DAGLA: variants seen among roughly 807,000 people sequenced by gnomAD.
The protein encoded by DAGLA is diacylglycerol lipase-alpha.
DAGLA carries 22 observed loss-of-function variants against 102.6 expected under a neutral mutation model. The ratio of observed to expected loss-of-function variants is 0.21; its 90% CI spans 0.15 to 0.31. The LOEUF (loss-of-function observed/expected upper bound fraction) is 0.31. DAGLA is among the 10% of genes least tolerant of loss of function. DAGLA has a pLI of 1.00. For missense variants in DAGLA, 927 were observed against 1,446.6 expected, an observed-to-expected ratio of 0.64 and a Z score of 5.83; for synonymous variants, 578 against 628.9, an observed-to-expected ratio of 0.92 and a Z score of 1.21.
At chr11:61,690,633 C>G (rs1381399141) in intron 1 of DAGLA, among the ~76,000 whole-genome samples, 1 of 152,172 alleles carries the variant, frequency 6.6e-6, no homozygotes, top group African/African-American at 2.4e-5. Flanking sequence ...AGTCTAGGAC[C>G]TCAGCTTCCT....
chr11:61,681,589 T>C (rs1035872928), intron 1 of DAGLA, among the ~76,000 whole-genome samples: 1 of 152,136 alleles, frequency 6.6e-6, no homozygotes, highest in African/African-American at 2.4e-5. Flanking sequence ...CTCCAGGGTA[T>C]CTGGGAGTTG....
chr11:61,738,224 G>T lies in DAGLA; in HGVS notation c.1656+17G>T, dbSNP rs198443. The T allele has an allele frequency of 0.45, 717,581 of 1,603,778 alleles. 164,550 individuals carry two copies. The highest frequency in any genetic ancestry group is 0.8 in the East Asian group (35,866 of 44,700). On this transcript the variant is annotated intron_variant, in intron 16 of 19. Coordinates refer to ENST00000257215, the MANE Select transcript of DAGLA (RefSeq NM_006133.3). ...AAGCCCAAAGTGAGCCCCCACCTGG[G>T]CACCCTGCCTCTGTGCAGCCTCATC...
chr11:61,721,294 T>C (rs2065280279), intron 3 of DAGLA, among the ~76,000 whole-genome samples: 1 of 152,150 alleles, frequency 6.6e-6, no homozygotes, highest in Non-Finnish European at 1.5e-5. Flanking sequence ...CTTGGGAGGC[T>C]GACGCAGGAG....
At chr11:61,722,143 C>T (rs568827167) in intron 3 of DAGLA, among the ~76,000 whole-genome samples, 7 of 152,374 alleles carry the variant, frequency 4.6e-5, no homozygotes, top group South Asian at 2.1e-4. Context: ...GAAGTGAACA[C>T]GCTCTCATCT....
Position 61,734,807 on chromosome 11 carries a change from G to A in DAGLA, c.975-42G>A, listed in dbSNP as rs373602316. On this transcript the variant is annotated intron_variant, in intron 9 of 19. Coordinates refer to ENST00000257215, the MANE Select transcript of DAGLA (RefSeq NM_006133.3). The surrounding 1 kb of genome is among the most constrained non-coding windows in gnomAD (Gnocchi z 4.2). ...AGTGGCAGGAGACATTTGTTCCCTC[G>A]GGGACTCCCTGGCCCTGAACTCTCT... The A allele has an allele frequency of 3.7e-5, 59 of 1,581,274 alleles. No homozygotes were observed. The African/African-American group carries it at 5.9e-4, about 16-fold the overall frequency.
At chr11:61,704,201 C>T (rs1011875868) in intron 1 of DAGLA, among the ~76,000 whole-genome samples, 1 of 152,050 alleles carries the variant, frequency 6.6e-6, no homozygotes, top group African/African-American at 2.4e-5. Flanking sequence ...CTCATGGCAC[C>T]TCTGCCTCCC....
In DAGLA at chr11:61,684,333, G is replaced by A. The variant is rs764096348; in HGVS notation, c.-45+3829G>A. On this transcript the variant is annotated intron_variant, in intron 1 of 19. Coordinates refer to ENST00000257215, the MANE Select transcript of DAGLA (RefSeq NM_006133.3). The surrounding 1 kb of genome is among the most constrained non-coding windows in gnomAD (Gnocchi z 4.5). ...AAGATAAATCTTTTAGAACCGCGGA[G>A]CCCAGGACATTGCAGGATGCGGTTA... Among the ~76,000 whole-genome samples the A allele has an allele frequency of 5.9e-5, 9 of 152,236 alleles. No individual in the cohort carries two copies. The highest frequency in any genetic ancestry group is 1.0e-4 in the Non-Finnish European group (7 of 68,042).
chr11:61,716,921 C>T (rs2065239743), intron 1 of DAGLA, among the ~76,000 whole-genome samples: 2 of 152,132 alleles, frequency 1.3e-5, no homozygotes, highest in African/African-American at 2.4e-5. Flanking sequence ...GGGGTCCTGG[C>T]ACCCCATTCA....
chr11:61,682,862 G>A (rs2064955189), intron 1 of DAGLA, among the ~76,000 whole-genome samples: 1 of 151,146 alleles, frequency 6.6e-6, no homozygotes, highest in East Asian at 2.0e-4. Flanking sequence ...GGGGGGGGGA[G>A]GTGTGGAGGA....
chr11:61,710,553 C>T (rs1295479252), intron 1 of DAGLA, among the ~76,000 whole-genome samples: 3 of 152,008 alleles, frequency 2.0e-5, no homozygotes, highest in Non-Finnish European at 4.4e-5. Context: ...GGTCCCCTCT[C>T]CCTGGGTGGT....
At chr11:61,738,922 C>CA (rs1345542035) in intron 16 of DAGLA, among the ~76,000 whole-genome samples, 1 of 152,164 alleles carries the variant, frequency 6.6e-6, no homozygotes, top group Non-Finnish European at 1.5e-5. Context: ...GACCCTGTGG[C>CA]AGGCAGGGCC....
chr11:61,728,005 G>A (rs544293022), intron 6 of DAGLA, 148 bp from the exon 7 acceptor site: 11 of 861,746 alleles, frequency 1.3e-5, no homozygotes, highest in South Asian at 6.4e-5. Flanking sequence ...CTCAGTGGGC[G>A]CTGTGGAGGT....
Position 61,743,553 on chromosome 11 carries a change from G to A in DAGLA, c.2193G>A (p.Met731Ile). 1 of 1,528,886 alleles carries A rather than the reference G, an allele frequency of 6.5e-7. No individual in the cohort carries two copies. Among genetic ancestry groups the A allele is most frequent in the Non-Finnish European group, 8.7e-7 (1 of 1,144,694 alleles). The allele number at this position is 1,528,886 out of a possible 1,614,324, so 94.7% of individuals were successfully genotyped here. The change falls in exon 20 of 20, where the codon ATG (methionine) becomes ATA (isoleucine). Residue 731 changes from methionine to isoleucine, a missense_variant. Physicochemically the swap from Met to Ile is conservative, Grantham distance 10 (BLOSUM62 1). Coordinates refer to ENST00000257215, the MANE Select transcript of DAGLA (RefSeq NM_006133.3). Reference sequence around the variant, plus strand: ...GCAGGAGCAAGTCCCAGTCTGAGATGAGCCTGGAGGGCTTCTCGGAGGGGC... The same window carrying A: ...GCAGGAGCAAGTCCCAGTCTGAGATAAGCCTGGAGGGCTTCTCGGAGGGGC... ...SSVRSKSQSE[M>I]SLEGFSEGRL... is the part of the protein sequence containing the mutation.
chr11:61,730,645 A>G (rs1036692839), intron 8 of DAGLA, among the ~76,000 whole-genome samples: 1 of 151,924 alleles, frequency 6.6e-6, no homozygotes, highest in Non-Finnish European at 1.5e-5. Context: ...GCAGCCAATA[A>G]CCTCCTCAGC....
In DAGLA at chr11:61,723,401, C is replaced by T. The variant is rs746359461; in HGVS notation, c.410-33C>T. 2.5e-6 allele frequency: 4 copies of T among 1,602,730 alleles called. 1 individual carries two copies. In the South Asian group the frequency reaches 4.4e-5, roughly 18 times the overall value. On this transcript the variant is annotated intron_variant, in intron 4 of 19. Coordinates refer to ENST00000257215, the MANE Select transcript of DAGLA (RefSeq NM_006133.3). ...GTGAGCCAGAGAGGTGTCCCCAGCG[C>T]CCCTACCTAATGCCTCCCACTGCTG...
In DAGLA at chr11:61,720,016, G is replaced by T. The variant is rs2065268532; in HGVS notation, c.-44-96G>T. 6.2e-6 allele frequency: 5 copies of T among 801,288 alleles called. No homozygotes were observed. The South Asian group carries it at 8.6e-5, about 14-fold the overall frequency. 49.6% of individuals were successfully genotyped at this position (801,288 alleles called of 1,614,324 possible). ...AGCTCCAAAAATGCCTGTGCTTCTG[G>T]CCACACCGGGGACTGGTCCCGTGGC... On this transcript the variant is annotated intron_variant, in intron 1 of 19. Coordinates refer to ENST00000257215, the MANE Select transcript of DAGLA (RefSeq NM_006133.3).
intron 1 of DAGLA, 71 bp from the exon 2 acceptor site, chr11:61,720,041 C>A (rs1025195808): frequency 1.2e-5 from 13 of 1,078,444 alleles, no homozygotes; most frequent in Non-Finnish European, 1.8e-5. Flanking sequence ...GGTCCCGTGG[C>A]CCAAGGAATG....
At chr11:61,741,867 C>T (rs1452172358) in intron 19 of DAGLA, among the ~76,000 whole-genome samples, 1 of 152,196 alleles carries the variant, frequency 6.6e-6, no homozygotes, top group African/African-American at 2.4e-5. Flanking sequence ...CCGCCTCAGC[C>T]TCCCAAAGTG....
chr11:61,731,885 C>G (rs750441038), intron 9 of DAGLA, among the ~76,000 whole-genome samples: 10 of 152,204 alleles, frequency 6.6e-5, no homozygotes, highest in Non-Finnish European at 5.9e-5. Flanking sequence ...ATGTGCTCTG[C>G]CTTTCTAGAA....
Sources: gnomAD v4.1 joint callset for allele counts (sites outside exome capture counted in the v4.1 genomes callset) on GRCh38, gnomAD v4.1.1 for gene constraint, Gnocchi (gnomAD v3.1) non-coding constraint, MANE v1.5 for transcripts, NCBI Gene and HGNC (gene_info 2026-07-23, HGNC 2026-07-21) for gene names.